Variants in PCNT observed in about 807,000 individuals in gnomAD.
PCNT encodes the protein pericentrin.
Under a neutral mutation model 380.4 loss-of-function variants are expected in PCNT, and 319 were observed. The observed-to-expected ratio is 0.84, with a 90% CI of 0.77 to 0.92. The LOEUF (loss-of-function observed/expected upper bound fraction) is 0.92. Ranked by LOEUF, PCNT falls within the 40% of genes least tolerant of loss-of-function variation. The pLI is 0.00. For missense variants in PCNT, 4,400 were observed against 4,255.3 expected (o/e 1.03, Z -0.95); for synonymous variants, 1,845 against 1,735.2 (o/e 1.06, Z -1.57).
At chr21:46,403,777 C>T (rs1199980325) in intron 27 of PCNT, among the ~76,000 whole-genome samples, 2 of 129,812 alleles carry the variant, frequency 1.5e-5, no homozygotes. Context: ...TGAATGAACA[C>T]AGCGTGGGAG....
chr21:46,382,205 T>C (rs1186738254), intron 16 of PCNT, among the ~76,000 whole-genome samples: 2 of 140,486 alleles, frequency 1.4e-5, no homozygotes, highest in Non-Finnish European at 3.1e-5. Flanking sequence ...GTAGATTCAG[T>C]GGCGGAAGCG....
At chr21:46,429,376 G>A (rs2087649729) in intron 35 of PCNT, among the ~76,000 whole-genome samples, 1 of 130,716 alleles carries the variant, frequency 7.7e-6, no homozygotes, top group African/African-American at 3.3e-5. Flanking sequence ...ACGGGCAGGG[G>A]GTGCCGGCGC....
chr21:46,440,920 G>A lies in PCNT; in HGVS notation c.9459G>A (p.Lys3153=). The part of the protein sequence containing the change: ...ESFRKALIYQ[K]KYLLLLIGGF... ...TTAGAAAAGCTCTGATTTATCAAAAGAAGTATCTTTTGCTGTTGATTGGTG... is the reference window on the plus strand; with the variant it reads ...TTAGAAAAGCTCTGATTTATCAAAAAAAGTATCTTTTGCTGTTGATTGGTG... Residue 3153 remains lysine (K), a synonymous_variant, in exon 43 of 47, where the codon AAG becomes AAA. Transcript: ENST00000359568. 6.2e-7 allele frequency: 1 copy of A among 1,613,812 alleles called. No individual in the cohort carries two copies. The highest frequency in any genetic ancestry group is 8.5e-7 in the Non-Finnish European group (1 of 1,179,658).
At chr21:46,389,011 G>C in intron 18 of PCNT, 127 bp downstream of exon 18, 1 of 1,431,084 alleles carries the variant, frequency 7.0e-7, no homozygotes. Flanking sequence ...TTTCCTGCTA[G>C]TTTCCGCACT....
In PCNT at chr21:46,383,763, C is replaced by T. The variant is rs376525355; in HGVS notation, c.3312+1923C>T. 8.4e-5 allele frequency among the ~76,000 whole-genome samples: 12 copies of T among 142,058 alleles called. 1 individual carries two copies. In the East Asian group the frequency reaches 2.2e-3, roughly 26 times the overall value. 93.2% of individuals were successfully genotyped at this position (142,058 alleles called of 152,430 possible). ...ATTCACAGTGCTGTGCATTCAGCAG[C>T]GGAAGCGCATTCACGGTGTTGTGCG... is the stretch of plus-strand genomic sequence containing the variant. On this transcript the variant is annotated intron_variant, in intron 16 of 46. Coordinates refer to ENST00000359568, the MANE Select transcript of PCNT (RefSeq NM_006031.6).
rs1289765379 is a variant in PCNT, at chr21:46,326,496, G to C, written c.174G>C (p.Lys58Asn). Residue 58 changes from lysine (K) to asparagine (N), a missense_variant, in exon 2 of 47, where the codon AAG becomes AAC. Coordinates refer to ENST00000359568, the MANE Select transcript of PCNT (RefSeq NM_006031.6). Reference sequence around the variant, plus strand: ...TCCAGGAGGAGAGTCCGGTAACCAAGGAGGACAGCGCACTCTGTGGAGGAG... The same window carrying C: ...TCCAGGAGGAGAGTCCGGTAACCAACGAGGACAGCGCACTCTGTGGAGGAG... ...ASVQEESPVT[K>N]EDSALCGGGD... 3.7e-6 allele frequency: 6 copies of C among 1,614,110 alleles called. No individual in the cohort carries two copies. In the Admixed American group the frequency reaches 8.3e-5, roughly 22 times the overall value.
intron 15 of PCNT, among the ~76,000 whole-genome samples, chr21:46,381,038 G>A (rs1432082518): frequency 6.6e-6 from 1 of 151,888 alleles, no homozygotes; most frequent in Non-Finnish European, 1.5e-5. Flanking sequence ...TTAGTTGAGT[G>A]TGGTGGCAGG....
intron 12 of PCNT, among the ~76,000 whole-genome samples, chr21:46,356,225 G>A (rs1052904806): frequency 6.6e-6 from 1 of 152,230 alleles, no homozygotes; most frequent in Non-Finnish European, 1.5e-5. Context: ...CATGGTGGGG[G>A]TGAGGGGCTG....
chr21:46,381,902 T>G (rs2085557903), intron 16 of PCNT, 62 bp downstream of exon 16: 3 of 1,561,538 alleles, frequency 1.9e-6, no homozygotes, highest in Admixed American at 1.7e-5. Flanking sequence ...CATTTTCACT[T>G]TATTTCAGTG....
chr21:46,439,956 A>G (rs1601215104), intron 41 of PCNT, 127 bp from the exon 42 acceptor site: 1 of 1,074,986 alleles, frequency 9.3e-7, no homozygotes, highest in African/African-American at 1.5e-5. Flanking sequence ...AGGAGGGGCC[A>G]GGTGTGGTGT....
intron 29 of PCNT, among the ~76,000 whole-genome samples, chr21:46,414,014 C>CA (rs2086910423): frequency 6.9e-6 from 1 of 144,290 alleles, no homozygotes; most frequent in Non-Finnish European, 1.5e-5. Flanking sequence ...TTTTTTGAGA[C>CA]AGAGTCTTGC....
intron 2 of PCNT, 95 bp from the exon 3 acceptor site, chr21:46,334,302 C>T: frequency 2.6e-6 from 4 of 1,568,246 alleles, no homozygotes; most frequent in Non-Finnish European, 3.5e-6. Context: ...TAAATGAAGT[C>T]AGCACAGGCC....
rs143206680 is a variant in PCNT at position 46,355,424 on chromosome 21, G to A, written c.1762-28G>A. The A allele has an allele frequency of 1.4e-5, 23 of 1,611,852 alleles. No individual in the cohort carries two copies. In the Admixed American group the frequency reaches 2.2e-4, roughly 15 times the overall value. On this transcript the variant is annotated intron_variant, in intron 11 of 46. Coordinates refer to ENST00000359568, the MANE Select transcript of PCNT (RefSeq NM_006031.6). ...GAGCGAGGTAGCTTGGCTCACTAAC[G>A]TGCTTGTCCCACGTGGTTTCTCTGT...
Position 46,385,887 on chromosome 21 carries a change from T to C in PCNT, c.3368T>C (p.Leu1123Ser). ...SHEIEECRSE[L>S]EVLQQRRERE... is the part of the protein sequence containing the mutation. ...GAGATAGAAGAGTGCCGCTCCGAGT[T>C]GGAGGTGCTGCAGCAGAGGCGGGAG... The change falls in exon 17 of 47, where the codon TTG becomes TCG. Residue 1123 changes from leucine (L) to serine (S), a missense_variant. Transcript: ENST00000359568. 1 of 1,614,162 alleles carries C rather than the reference T, an allele frequency of 6.2e-7. No individual in the cohort carries two copies. The highest frequency in any genetic ancestry group is 8.5e-7 in the Non-Finnish European group (1 of 1,180,008).
Position 46,445,520 on chromosome 21 carries a change from G to A in PCNT, c.*193G>A. ...AAAGCCAGCTGGAGCATTTTCTATGGAGCCTCCGTATGTTTTAGGCCCATG... is the reference window on the plus strand; with the variant it reads ...AAAGCCAGCTGGAGCATTTTCTATGAAGCCTCCGTATGTTTTAGGCCCATG... On this transcript the variant is annotated 3_prime_UTR_variant, in exon 47 of 47. Transcript: ENST00000359568. 1 of 630,644 alleles carries A rather than the reference G, an allele frequency of 1.6e-6. No homozygotes were observed. Among genetic ancestry groups the A allele is most frequent in the Non-Finnish European group, 2.8e-6 (1 of 350,922 alleles). 39.1% of individuals were successfully genotyped at this position (630,644 alleles called of 1,614,324 possible). A position where few individuals can be genotyped will look rare whatever the true frequency, so the allele number is the denominator to read the frequency against.
intron 19 of PCNT, among the ~76,000 whole-genome samples, 159 bp downstream of exon 19, chr21:46,389,590 T>A (rs537527783): frequency 3.9e-5 from 6 of 152,382 alleles, no homozygotes; most frequent in African/African-American, 1.4e-4. Context: ...GTGGGCTTGC[T>A]ACGAATGAGA....
At position 46,385,853 on chromosome 21, in the gene PCNT, T is replaced by C. The variant is rs915637854; in HGVS notation, c.3334T>C (p.Leu1112=). The C allele has an allele frequency of 6.2e-7, 1 of 1,614,260 alleles. No homozygotes were observed. The highest frequency in any genetic ancestry group is 8.5e-7 in the Non-Finnish European group (1 of 1,180,042). Residue 1112 remains leucine, a synonymous_variant, in exon 17 of 47, where the codon TTA becomes CTA. Coordinates refer to ENST00000359568, the MANE Select transcript of PCNT (RefSeq NM_006031.6). The part of the protein sequence containing the change: ...VQQLKDQVLS[L]SHEIEECRSE... ...ATAGCTGAAAGACCAGGTTTTATCCTTAAGTCACGAGATAGAAGAGTGCCG... is the reference window on the plus strand; with the variant it reads ...ATAGCTGAAAGACCAGGTTTTATCCCTAAGTCACGAGATAGAAGAGTGCCG...
intron 21 of PCNT, among the ~76,000 whole-genome samples, chr21:46,395,124 C>G (rs762250): frequency 0.67 from 102,022 of 152,190 alleles, 34,892 homozygotes; most frequent in African/African-American, 0.79. Context: ...TTACAGCGGA[C>G]TCGCCGTTAA....
intron 39 of PCNT, among the ~76,000 whole-genome samples, chr21:46,436,648 G>A (rs975998783): frequency 1.3e-5 from 2 of 152,186 alleles, no homozygotes; most frequent in African/African-American, 2.4e-5. Context: ...TTAATGTATA[G>A]AGCAGCATGA....
Sources: gnomAD v4.1 joint callset for allele counts (sites outside exome capture counted in the v4.1 genomes callset) on GRCh38, gnomAD v4.1.1 for gene constraint, MANE v1.5 for transcripts, NCBI Gene and HGNC (gene_info 2026-07-23, HGNC 2026-07-21) for gene names.